The following TMTC2 variants were observed in gnomAD, a reference collection of about 807,000 sequenced individuals.
The protein encoded by TMTC2 is protein O-mannosyl-transferase TMTC2.
Under a neutral mutation model 82.4 loss-of-function variants are expected in TMTC2, and 43 were observed. That is an observed-to-expected ratio of 0.52 (90% confidence interval 0.41 to 0.67). The LOEUF is 0.67. Ranked by LOEUF, TMTC2 falls within the 30% of genes least tolerant of loss-of-function variation. TMTC2 has a pLI of 0.00. For synonymous variants in TMTC2, 408 were observed against 381.9 expected (o/e 1.07, Z -0.80); for missense variants, 919 against 1,012.4 (o/e 0.91, Z 1.25).
intron 1 of TMTC2, among the ~76,000 whole-genome samples, chr12:82,698,090 A>C (rs1872898495): frequency 6.6e-6 from 1 of 152,224 alleles, no homozygotes; most frequent in South Asian, 2.1e-4. Context: ...CTTAAACCTT[A>C]GCTTTAAGGC....
chr12:82,720,850 A>G (rs780389094), intron 1 of TMTC2, among the ~76,000 whole-genome samples: 8 of 152,210 alleles, frequency 5.3e-5, no homozygotes, highest in Admixed American at 2.6e-4. Context: ...ATCTTGAATA[A>G]AGCAAAAAGC....
chr12:83,122,372 C>T lies in TMTC2; in HGVS notation c.2332-9838C>T, dbSNP rs561948712. 8.6e-5 allele frequency among the ~76,000 whole-genome samples: 13 copies of T among 151,754 alleles called. No individual in the cohort carries two copies. In the South Asian group the frequency reaches 1.3e-3, roughly 15 times the overall value. ...GATCAGTTCACATTGTTACAAACTT[C>T]AGCTGGAGATTTCCTTCTCCCTGGG... is the stretch of plus-strand genomic sequence containing the variant. On this transcript the variant is annotated intron_variant, in intron 11 of 11. Transcript: ENST00000321196.
chr12:82,800,697 GAT>G, intron 1 of TMTC2, among the ~76,000 whole-genome samples: 1 of 152,280 alleles, frequency 6.6e-6, no homozygotes, highest in Non-Finnish European at 1.5e-5. Flanking sequence ...TCATTGATGA[GAT>G]AATACAAATG....
intron 1 of TMTC2, among the ~76,000 whole-genome samples, chr12:82,712,825 A>C (rs12297818): frequency 6.6e-6 from 1 of 152,212 alleles, no homozygotes; most frequent in Non-Finnish European, 1.5e-5. Flanking sequence ...AAATGATCTA[A>C]CAGAGAATCC....
At chr12:82,925,451 G>A (rs1875644662) in intron 3 of TMTC2, among the ~76,000 whole-genome samples, 1 of 152,122 alleles carries the variant, frequency 6.6e-6, no homozygotes, top group South Asian at 2.1e-4. Context: ...TGTATTCTAG[G>A]TATAGCGACA....
chr12:82,697,361 A>G (rs1287948818), intron 1 of TMTC2, among the ~76,000 whole-genome samples: 1 of 151,884 alleles, frequency 6.6e-6, no homozygotes, highest in South Asian at 2.1e-4. Context: ...AAAAGGAAAA[A>G]AAAACAATGC....
chr12:82,886,567 C>T (rs1424301802), intron 2 of TMTC2, among the ~76,000 whole-genome samples: 4 of 152,054 alleles, frequency 2.6e-5, no homozygotes, highest in Admixed American at 2.6e-4. Flanking sequence ...TTTTTATGCC[C>T]CTTAATCTTT....
chr12:82,805,682 T>C (rs1426494372), intron 1 of TMTC2, among the ~76,000 whole-genome samples: 1 of 151,742 alleles, frequency 6.6e-6, no homozygotes, highest in Non-Finnish European at 1.5e-5. Context: ...TTTTTTTGTA[T>C]TTTTAGTAGA....
chr12:82,933,605 C>T (rs1876159772), intron 4 of TMTC2, among the ~76,000 whole-genome samples: 1 of 152,120 alleles, frequency 6.6e-6, no homozygotes, highest in South Asian at 2.1e-4. Flanking sequence ...CTTGTCCTAT[C>T]ATCAGTTACA....
chr12:82,858,445 T>A (rs1369703913), intron 2 of TMTC2, among the ~76,000 whole-genome samples: 1 of 152,224 alleles, frequency 6.6e-6, no homozygotes, highest in African/African-American at 2.4e-5. Flanking sequence ...ACTTTGGTCA[T>A]GTTTTAGGCA....
intron 1 of TMTC2, among the ~76,000 whole-genome samples, chr12:82,830,349 G>A (rs960682094): frequency 6.6e-6 from 1 of 151,852 alleles, no homozygotes; most frequent in African/African-American, 2.4e-5. Flanking sequence ...GCCCACTCTC[G>A]GTGTCTCTGC....
chr12:82,813,882 G>A (rs1868539180), intron 1 of TMTC2, among the ~76,000 whole-genome samples: 1 of 152,058 alleles, frequency 6.6e-6, no homozygotes, highest in Admixed American at 6.6e-5. Context: ...GGTAATCAAA[G>A]TATAGTACCA....
chr12:82,750,003 G>T (rs1334737980), intron 1 of TMTC2, among the ~76,000 whole-genome samples: 1 of 152,064 alleles, frequency 6.6e-6, no homozygotes, highest in Admixed American at 6.6e-5. Context: ...CACCCAAAGT[G>T]CTGGGATTCC....
At position 83,133,268 on chromosome 12, in the gene TMTC2, A is replaced by G. The variant is rs1885323152; in HGVS notation, c.*879A>G. On this transcript the variant is annotated 3_prime_UTR_variant, in exon 12 of 12. Transcript: ENST00000321196. ...ACATAAGGATAAAGGACAGGGGAGGAGTTTGTAAGCCTTGCAGTTCCAATA... is the reference window on the plus strand; with the variant it reads ...ACATAAGGATAAAGGACAGGGGAGGGGTTTGTAAGCCTTGCAGTTCCAATA... 6.6e-6 allele frequency: 1 copy of G among 152,168 alleles called. No individual in the cohort carries two copies. Among genetic ancestry groups the G allele is most frequent in the African/African-American group, 2.4e-5 (1 of 41,428 alleles). The allele number at this position is 152,168 out of a possible 1,614,324, so 9.4% of individuals were successfully genotyped here.
At chr12:82,750,033 C>T (rs953831666) in intron 1 of TMTC2, among the ~76,000 whole-genome samples, 4 of 151,980 alleles carry the variant, frequency 2.6e-5, no homozygotes, top group Non-Finnish European at 4.4e-5. Context: ...CCACTGTTCC[C>T]GGCCCATGAA....
At chr12:82,728,715 T>C (rs1874592316) in intron 1 of TMTC2, among the ~76,000 whole-genome samples, 1 of 152,228 alleles carries the variant, frequency 6.6e-6, no homozygotes, top group South Asian at 2.1e-4. Flanking sequence ...TGGGAGCCCC[T>C]TTCTGGGCTG....
chr12:82,801,480 T>TG (rs1878996078), intron 1 of TMTC2, among the ~76,000 whole-genome samples: 2 of 152,264 alleles, frequency 1.3e-5, no homozygotes, highest in South Asian at 4.1e-4. Flanking sequence ...TTCTTTTATC[T>TG]GGCCCCACCC....
intron 3 of TMTC2, among the ~76,000 whole-genome samples, chr12:82,908,920 A>C (rs946601976): frequency 1.3e-5 from 2 of 152,188 alleles, no homozygotes; most frequent in African/African-American, 4.8e-5. Flanking sequence ...AATGTTACAC[A>C]TAATATTCTT....
intron 1 of TMTC2, among the ~76,000 whole-genome samples, chr12:82,786,299 T>C (rs1233706048): frequency 2.0e-5 from 3 of 152,080 alleles, no homozygotes; most frequent in Non-Finnish European, 4.4e-5. Flanking sequence ...CCTGAAAAGA[T>C]AAATGATTAG....
Sources: allele counts gnomAD v4.1 joint callset (sites outside exome capture counted in the v4.1 genomes callset), GRCh38; gene constraint gnomAD v4.1.1; transcripts MANE v1.5; gene names NCBI Gene and HGNC (gene_info 2026-07-23, HGNC 2026-07-21).